Variants in WDPCP observed in about 807,000 individuals in gnomAD.
WDPCP encodes WD repeat-containing and planar cell polarity effector protein fritz homolog.
A neutral mutation model predicts 93.1 loss-of-function variants in WDPCP; 71 were observed. That is an observed-to-expected ratio of 0.76 (90% CI 0.63 to 0.93). The LOEUF is 0.93. WDPCP is among the 40% of genes least tolerant of loss of function. The pLI is 0.00. For missense variants in WDPCP, 844 were observed against 887.4 expected (o/e 0.95, Z 0.62); for synonymous variants, 315 against 315.0 (o/e 1.00, Z 0.00).
chr2:63,363,980 A>T (rs570661357), intron 12 of WDPCP, among the ~76,000 whole-genome samples: 1 of 152,278 alleles, frequency 6.6e-6, no homozygotes, highest in South Asian at 2.1e-4. Context: ...TTCAAGGCAG[A>T]CATGCACTAT....
chr2:63,332,070 T>C (rs1037561360), intron 12 of WDPCP, among the ~76,000 whole-genome samples: 2 of 151,552 alleles, frequency 1.3e-5, no homozygotes, highest in Non-Finnish European at 2.9e-5. Flanking sequence ...TTCAGTTCTC[T>C]TGGGGGGAGA....
chr2:63,785,581 A>C (rs891467644), intron 2 of WDPCP, among the ~76,000 whole-genome samples: 4 of 152,162 alleles, frequency 2.6e-5, no homozygotes, highest in African/African-American at 9.7e-5. Flanking sequence ...AAGGTTTAGG[A>C]AATATGATAA....
chr2:63,773,866 T>C (rs999430002), intron 2 of WDPCP, among the ~76,000 whole-genome samples: 1 of 152,108 alleles, frequency 6.6e-6, no homozygotes, highest in African/African-American at 2.4e-5. Context: ...ACGTTGAGTA[T>C]TGGCTGACTC....
upstream of WDPCP, among the ~76,000 whole-genome samples, chr2:63,591,388 A>G (rs540821902): frequency 1.3e-5 from 2 of 152,230 alleles, no homozygotes; most frequent in African/African-American, 4.8e-5. Context: ...GGAATTACCT[A>G]CCTGGGAAAG....
chr2:63,569,770 A>T (rs1707345822), intron 1 of WDPCP, among the ~76,000 whole-genome samples: 1 of 152,106 alleles, frequency 6.6e-6, no homozygotes, highest in African/African-American at 2.4e-5. Context: ...CCTACATGAA[A>T]TTTGCTGTAT....
chr2:63,523,408 A>G (rs927572577), intron 1 of WDPCP, among the ~76,000 whole-genome samples: 21 of 152,208 alleles, frequency 1.4e-4, no homozygotes, highest in African/African-American at 4.3e-4. Flanking sequence ...CAAGGATGTC[A>G]TCTGTCACCA....
At chr2:63,382,899 A>G (rs929652847) in intron 10 of WDPCP, among the ~76,000 whole-genome samples, 1 of 152,174 alleles carries the variant, frequency 6.6e-6, no homozygotes, top group Non-Finnish European at 1.5e-5. Context: ...TGACCGTCCA[A>G]CAGCCTTCAT....
At chr2:63,488,967 G>A (rs1700720672) in intron 2 of WDPCP, among the ~76,000 whole-genome samples, 1 of 151,956 alleles carries the variant, frequency 6.6e-6, no homozygotes, top group Non-Finnish European at 1.5e-5. Flanking sequence ...GGATGGGGAA[G>A]GTGTCCATTC....
intron 2 of WDPCP, among the ~76,000 whole-genome samples, chr2:63,710,986 CAG>C (rs1256765237): frequency 1.3e-5 from 2 of 152,134 alleles, no homozygotes; most frequent in Non-Finnish European, 2.9e-5. Flanking sequence ...AGAGTGGCAA[CAG>C]GGACAACAGC....
At chr2:63,472,778 TG>T (rs1699769582) in intron 6 of WDPCP, among the ~76,000 whole-genome samples, 1 of 152,168 alleles carries the variant, frequency 6.6e-6, no homozygotes, top group South Asian at 2.1e-4. Context: ...CAGGCTGGTC[TG>T]GAACTCCTGA....
chr2:63,732,265 G>A (rs1433981281), intron 2 of WDPCP, among the ~76,000 whole-genome samples: 2 of 152,204 alleles, frequency 1.3e-5, no homozygotes, highest in African/African-American at 4.8e-5. Context: ...ATTAAAATGG[G>A]ACATAAAGAA....
intron 12 of WDPCP, among the ~76,000 whole-genome samples, chr2:63,338,381 G>A (rs762862654): frequency 6.6e-6 from 1 of 151,070 alleles, no homozygotes. Context: ...GTGAAACCCC[G>A]TCTCTATTAA....
At chr2:63,195,489 G>T (rs1445887245) in intron 14 of WDPCP, among the ~76,000 whole-genome samples, 1 of 151,714 alleles carries the variant, frequency 6.6e-6, no homozygotes, top group African/African-American at 2.4e-5. Flanking sequence ...TTTGAGACAG[G>T]GTCTCATTCT....
At chr2:63,199,393 A>G (rs1675711444) in intron 14 of WDPCP, among the ~76,000 whole-genome samples, 1 of 152,166 alleles carries the variant, frequency 6.6e-6, no homozygotes, top group Non-Finnish European at 1.5e-5. Flanking sequence ...GAGGCCTAGG[A>G]GGGAAGAATA....
intron 14 of WDPCP, among the ~76,000 whole-genome samples, chr2:63,209,311 G>A (rs370212521): frequency 2.8e-3 from 429 of 152,280 alleles, no homozygotes; most frequent in Non-Finnish European, 4.2e-3. Flanking sequence ...AGGTTTCACT[G>A]GACAGTAGGT....
intron 3 of WDPCP, among the ~76,000 whole-genome samples, chr2:63,617,213 G>A (rs1375646625): frequency 1.3e-5 from 2 of 152,172 alleles, no homozygotes; most frequent in Admixed American, 6.5e-5. Flanking sequence ...GAGTGATAAT[G>A]TAGACCAGCT....
chr2:63,677,337 A>C (rs1269778829), intron 2 of WDPCP, among the ~76,000 whole-genome samples: 1 of 152,220 alleles, frequency 6.6e-6, no homozygotes, highest in East Asian at 1.9e-4. Context: ...ACAAGACTTC[A>C]TACAAAACTA....
At chr2:63,751,902 A>G in intron 2 of WDPCP, 1 of 687,978 alleles carries the variant, frequency 1.5e-6, no homozygotes, top group Non-Finnish European at 2.7e-6. Flanking sequence ...TTCCATCACC[A>G]AATCCATTAT....
intron 12 of WDPCP, among the ~76,000 whole-genome samples, chr2:63,363,316 T>C (rs1424144926): frequency 6.6e-6 from 1 of 152,164 alleles, no homozygotes; most frequent in African/African-American, 2.4e-5. Flanking sequence ...AAGAATATTA[T>C]GGCTGGGCGC....
Sources: gnomAD v4.1 joint callset for allele counts (sites outside exome capture counted in the v4.1 genomes callset) on GRCh38, gnomAD v4.1.1 for gene constraint, MANE v1.5 for transcripts, NCBI Gene and HGNC (gene_info 2026-07-23, HGNC 2026-07-21) for gene names.